NTM: variants seen among roughly 807,000 people sequenced by gnomAD.
NTM encodes the protein IgLON family member 2.
NTM carries 13 observed loss-of-function variants against 42.1 expected under a neutral mutation model. The ratio of observed to expected loss-of-function variants is 0.31; its 90% CI spans 0.20 to 0.49. The LOEUF (loss-of-function observed/expected upper bound fraction) is 0.49, where lower values mean the gene tolerates loss of function less well. NTM is among the 20% of genes least tolerant of loss of function. The pLI is 0.99. For missense variants in NTM, 373 were observed against 452.8 expected (o/e 0.82, Z 1.60); for synonymous variants, 187 against 179.2 (o/e 1.04, Z -0.35).
intron 1 of NTM, among the ~76,000 whole-genome samples, chr11:131,460,834 G>A (rs1209482408): frequency 3.3e-5 from 5 of 152,186 alleles, no homozygotes; most frequent in Admixed American, 2.0e-4. Flanking sequence ...AATTACAGGC[G>A]TGAACCACCG....
At chr11:131,560,529 A>G (rs2056095640) in intron 1 of NTM, among the ~76,000 whole-genome samples, 1 of 152,200 alleles carries the variant, frequency 6.6e-6, no homozygotes, top group African/African-American at 2.4e-5. Flanking sequence ...ATTCTTGTCC[A>G]GTGCTCTAAA....
At chr11:131,397,610 C>T (rs751079274) in intron 1 of NTM, among the ~76,000 whole-genome samples, 1 of 152,202 alleles carries the variant, frequency 6.6e-6, no homozygotes, top group Admixed American at 6.5e-5. Flanking sequence ...TATCAGTTCT[C>T]CTGTTCTGGC....
At chr11:132,330,508 C>G (rs2095782813) in intron 8 of NTM, among the ~76,000 whole-genome samples, 1 of 152,184 alleles carries the variant, frequency 6.6e-6, no homozygotes, top group Admixed American at 6.5e-5. Context: ...CACGGATGCT[C>G]TAATGCAGCG....
chr11:132,314,484 C>CCTATCT, intron 6 of NTM, 68 bp from the exon 7 acceptor site: 1 of 1,512,730 alleles, frequency 6.6e-7, no homozygotes, highest in South Asian at 1.4e-5. Context: ...AATCCCTGGG[C>CCTATCT]CTATCTTCTT....
At chr11:131,794,828 A>G in intron 1 of NTM, 1 of 985,410 alleles carries the variant, frequency 1.0e-6, no homozygotes, top group Non-Finnish European at 1.2e-6. Context: ...TACATTAAAG[A>G]AAAAGCCCAG....
At chr11:131,972,024 C>T (rs1237869066) in intron 2 of NTM, among the ~76,000 whole-genome samples, 1 of 112,280 alleles carries the variant, frequency 8.9e-6, no homozygotes, top group Non-Finnish European at 1.7e-5. Flanking sequence ...GCCTGGGCGA[C>T]AGAGTGAGAC....
chr11:131,775,323 A>C (rs73595116), intron 1 of NTM, among the ~76,000 whole-genome samples: 14,707 of 152,262 alleles, frequency 0.097, 2,432 homozygotes, highest in African/African-American at 0.33. Context: ...AATAACTAAT[A>C]ATAACTACTT....
chr11:131,758,561 T>C (rs1565510430), intron 1 of NTM, among the ~76,000 whole-genome samples: 1 of 151,876 alleles, frequency 6.6e-6, no homozygotes, highest in African/African-American at 2.4e-5. Flanking sequence ...TTCTTCTTTC[T>C]TTCCTTCCTT....
At chr11:131,432,220 G>A (rs1220413756) in intron 1 of NTM, among the ~76,000 whole-genome samples, 2 of 152,184 alleles carry the variant, frequency 1.3e-5, no homozygotes, top group African/African-American at 4.8e-5. Context: ...AGAAGGGGTT[G>A]GAGGTAGGCA....
intron 1 of NTM, among the ~76,000 whole-genome samples, chr11:131,624,725 T>A (rs1442566615): frequency 6.6e-6 from 1 of 152,228 alleles, no homozygotes; most frequent in Admixed American, 6.5e-5. Context: ...TCCACGCTAA[T>A]CACGGAGGAA....
chr11:131,845,668 G>A (rs2044812287), intron 1 of NTM, among the ~76,000 whole-genome samples: 1 of 149,770 alleles, frequency 6.7e-6, no homozygotes, highest in Non-Finnish European at 1.5e-5. Flanking sequence ...TTGCACTCCT[G>A]AGATAAAATT....
At chr11:131,439,514 G>A (rs989539934) in intron 1 of NTM, among the ~76,000 whole-genome samples, 8 of 152,208 alleles carry the variant, frequency 5.3e-5, no homozygotes, top group Non-Finnish European at 1.2e-4. Flanking sequence ...TCTCAGCAAT[G>A]GTGGATGCCC....
Position 132,335,219 on chromosome 11 carries a change from C to T in NTM, c.*73C>T, listed in dbSNP as rs1190257888. ...ACCAACACAACAGCAATGGCAACAC[C>T]GACAGCAACCAATCAGATATATACA... On this transcript the variant is annotated 3_prime_UTR_variant, in exon 9 of 9. Coordinates refer to ENST00000683400, the MANE Select transcript of NTM (RefSeq NM_001352005.2). 3.6e-5 allele frequency: 54 copies of T among 1,506,100 alleles called. No individual in the cohort carries two copies. Among genetic ancestry groups the T allele is most frequent in the East Asian group, 1.6e-4 (7 of 43,940 alleles). The allele number at this position is 1,506,100 out of a possible 1,614,324, so 93.3% of individuals were successfully genotyped here.
chr11:132,147,259 C>T (rs2070740355), intron 3 of NTM, among the ~76,000 whole-genome samples: 1 of 151,278 alleles, frequency 6.6e-6, no homozygotes, highest in Non-Finnish European at 1.5e-5. Flanking sequence ...GTTGGTTATG[C>T]TCTCTTAGAC....
intron 7 of NTM, among the ~76,000 whole-genome samples, chr11:132,320,267 G>A (rs933383668): frequency 6.6e-6 from 1 of 152,186 alleles, no homozygotes; most frequent in African/African-American, 2.4e-5. Context: ...TGAGGTACTG[G>A]GTTCATCTCA....
At position 131,720,037 on chromosome 11, in the gene NTM, C is replaced by T. The variant is rs576881187; in HGVS notation, c.83-191527C>T. ...TATAGGCCCACCACCCTACAGGTTC[C>T]GGGGTTGCTTCCTCAGAGCAAAGAA... On this transcript the variant is annotated intron_variant, in intron 1 of 8. Coordinates refer to ENST00000683400, the MANE Select transcript of NTM (RefSeq NM_001352005.2). Among the ~76,000 whole-genome samples, 22 of 152,178 alleles carry T rather than the reference C, an allele frequency of 1.4e-4. No individual in the cohort carries two copies. The South Asian group carries it at 2.1e-3, about 14-fold the overall frequency.
At chr11:131,497,512 CTTT>C (rs1955476325) in intron 1 of NTM, among the ~76,000 whole-genome samples, 1 of 49,126 alleles carries the variant, frequency 2.0e-5, no homozygotes, top group African/African-American at 8.8e-5. Flanking sequence ...CTAAGAGGCC[CTTT>C]CTGAGAGTCT....
In NTM at chr11:131,895,153, CACTGAT is replaced by C. The variant is rs1488349614; in HGVS notation, c.83-16409_83-16404del. Among the ~76,000 whole-genome samples, 6 of 152,196 alleles carry C rather than the reference CACTGAT, an allele frequency of 3.9e-5. No individual in the cohort carries two copies. In the East Asian group the frequency reaches 1.2e-3, roughly 29 times the overall value. On this transcript the variant is annotated intron_variant, in intron 1 of 8. Coordinates refer to ENST00000683400, the MANE Select transcript of NTM (RefSeq NM_001352005.2). ...TAAGAGGTGGAAGAGTTGCCATCAT[CACTGAT>C]ATATAGAGTCCCATAAATCCAAACC...
At chr11:131,756,505 C>T (rs1231245881) in intron 1 of NTM, among the ~76,000 whole-genome samples, 2 of 147,892 alleles carry the variant, frequency 1.4e-5, no homozygotes, top group Non-Finnish European at 3.0e-5. Context: ...GCCTGGGCAA[C>T]AGAGTGAGAC....
Sources: gnomAD v4.1 joint callset for allele counts (sites outside exome capture counted in the v4.1 genomes callset) on GRCh38, gnomAD v4.1.1 for gene constraint, MANE v1.5 for transcripts, NCBI Gene and HGNC (gene_info 2026-07-23, HGNC 2026-07-21) for gene names.